The following NLGN4X variants were observed in gnomAD, a reference collection of about 807,000 sequenced individuals.
NLGN4X encodes the protein neuroligin 4 X-linked.
NLGN4X carries 3 observed loss-of-function variants against 40.3 expected under a neutral mutation model. That is an observed-to-expected ratio of 0.07 (90% CI 0.03 to 0.19). The LOEUF is 0.19. Among genes scored for constraint, NLGN4X ranks in the 10% least tolerant of loss-of-function variants. The pLI is 1.00. For missense variants in NLGN4X, 382 were observed against 708.3 expected (o/e 0.54, Z 5.23); for synonymous variants, 270 against 306.8 (o/e 0.88, Z 1.25).
At chrX:5,969,046 G>T (rs1480435274) in intron 3 of NLGN4X, among the ~76,000 whole-genome samples, 1 of 111,434 alleles carries the variant, frequency 9.0e-6, no homozygotes, top group African/African-American at 3.3e-5. Context: ...AGACTTAAAT[G>T]TTAGACCTAA....
chrX:6,082,977 T>TTTTTTTTG (rs1569227473), intron 2 of NLGN4X, among the ~76,000 whole-genome samples: 2 of 85,677 alleles, frequency 2.3e-5, no homozygotes, highest in African/African-American at 9.1e-5. Context: ...TTTTTTTTTT[T>TTTTTTTTG]GAGACGGAGT....
At chrX:6,156,581 A>G (rs1055369691) in intron 1 of NLGN4X, among the ~76,000 whole-genome samples, 8 of 112,461 alleles carry the variant, frequency 7.1e-5, no homozygotes, top group Non-Finnish European at 1.3e-4. Context: ...ATGCAGCTGG[A>G]AGCCATTATT....
intron 1 of NLGN4X, among the ~76,000 whole-genome samples, chrX:6,181,824 T>C (rs1275703755): frequency 1.8e-5 from 2 of 112,288 alleles, no homozygotes; most frequent in African/African-American, 3.2e-5. Context: ...GGAGTGGTGA[T>C]TACAATAACG....
chrX:6,200,319 C>T (rs1923475838), intron 1 of NLGN4X, among the ~76,000 whole-genome samples: 1 of 111,847 alleles, frequency 8.9e-6, no homozygotes, highest in Non-Finnish European at 1.9e-5. Flanking sequence ...GTGGAACCCA[C>T]TTTAAATGGG....
At chrX:5,933,336 G>T (rs2033620800) in intron 3 of NLGN4X, among the ~76,000 whole-genome samples, 1 of 111,175 alleles carries the variant, frequency 9.0e-6, no homozygotes, top group African/African-American at 3.3e-5. Flanking sequence ...ATGGATAATA[G>T]CCCAGAACTT....
intron 1 of NLGN4X, among the ~76,000 whole-genome samples, chrX:6,163,188 A>G (rs1469451724): frequency 8.9e-6 from 1 of 112,014 alleles, no homozygotes; most frequent in African/African-American, 3.2e-5. Flanking sequence ...CTTTTTCTTT[A>G]TAAATTACCC....
intron 1 of NLGN4X, among the ~76,000 whole-genome samples, chrX:6,214,932 G>A (rs918396475): frequency 9.0e-6 from 1 of 111,547 alleles, no homozygotes; most frequent in Non-Finnish European, 1.9e-5. Context: ...ACAGGGAATG[G>A]GAGCGGGGTT....
At chrX:5,957,687 T>C (rs780953857) in intron 3 of NLGN4X, among the ~76,000 whole-genome samples, 1 of 111,447 alleles carries the variant, frequency 9.0e-6, no homozygotes, top group East Asian at 2.8e-4. Flanking sequence ...CTGGTATGTA[T>C]TGCCTGGTGA....
At chrX:6,169,774 G>A (rs1015220158) in intron 1 of NLGN4X, among the ~76,000 whole-genome samples, 15 of 112,084 alleles carry the variant, frequency 1.3e-4, no homozygotes, top group Admixed American at 8.5e-4. Flanking sequence ...CCGTAGGATA[G>A]ACAAAGCATT....
chrX:5,986,016 G>A (rs985758627), intron 3 of NLGN4X, among the ~76,000 whole-genome samples: 2 of 111,587 alleles, frequency 1.8e-5, no homozygotes, highest in Admixed American at 1.9e-4. Flanking sequence ...AAAAATATAC[G>A]AAAAGATTTT....
At chrX:6,040,232 T>G (rs2037121670) in intron 2 of NLGN4X, among the ~76,000 whole-genome samples, 2 of 111,726 alleles carry the variant, frequency 1.8e-5, no homozygotes, top group East Asian at 5.6e-4. Flanking sequence ...AGCCACTGTG[T>G]CCAGCTCCGA....
chrX:6,119,567 G>A (rs1256457651), intron 2 of NLGN4X, among the ~76,000 whole-genome samples: 1 of 111,236 alleles, frequency 9.0e-6, no homozygotes, highest in South Asian at 3.8e-4. Flanking sequence ...CAACAGCCTG[G>A]GGGTTGGAGA....
chrX:6,143,439 T>C (rs990482852), intron 2 of NLGN4X, among the ~76,000 whole-genome samples: 21 of 111,953 alleles, frequency 1.9e-4, no homozygotes, highest in African/African-American at 5.8e-4. Context: ...TGTTTGTAAG[T>C]AGGAAAATAA....
chrX:6,151,357 G>A lies in NLGN4X; in HGVS notation c.110C>T (p.Thr37Ile), dbSNP rs368982518. ...LWLTALAIKFTLIDSQAQYPV... is the reference protein window; with the variant it reads ...LWLTALAIKFILIDSQAQYPV... ...ATACTGTGCTTGGCTGTCAATGAGGGTGAACTTGATGGCAAGAGCAGTTAA... is the reference window on the plus strand; with the variant it reads ...ATACTGTGCTTGGCTGTCAATGAGGATGAACTTGATGGCAAGAGCAGTTAA... The change falls in exon 2 of 6, where the codon ACC becomes ATC. Residue 37 changes from threonine to isoleucine, a missense_variant. Thr to Ile is a moderately conservative substitution (Grantham distance 89). Coordinates refer to ENST00000381095, the MANE Select transcript of NLGN4X (RefSeq NM_181332.3). 3.3e-6 allele frequency: 4 copies of A among 1,209,816 alleles called. No homozygotes were observed. Among genetic ancestry groups the A allele is most frequent in the Non-Finnish European group, 4.5e-6 (4 of 895,022 alleles).
At chrX:6,026,093 C>T (rs1458408754) in intron 3 of NLGN4X, among the ~76,000 whole-genome samples, 1 of 110,230 alleles carries the variant, frequency 9.1e-6, no homozygotes, top group Non-Finnish European at 1.9e-5. Context: ...TTTCTCAAGG[C>T]AGAGGTAGAG....
At position 6,217,068 on chromosome X, in the gene NLGN4X, C is replaced by T. The variant is rs188943920; in HGVS notation, c.-306+11473G>A. Among the ~76,000 whole-genome samples, 4 of 112,333 alleles carry T rather than the reference C, an allele frequency of 3.6e-5. No individual in the cohort carries two copies. In the East Asian group the frequency reaches 1.1e-3, roughly 32 times the overall value. ...AAATGCTGGAATTACAGGCATGAGC[C>T]ACTGTACCCAGCCACATTTGAACTT... On this transcript the variant is annotated intron_variant, in intron 1 of 5. Coordinates refer to ENST00000381095, the MANE Select transcript of NLGN4X (RefSeq NM_181332.3).
intron 2 of NLGN4X, among the ~76,000 whole-genome samples, chrX:6,085,430 G>C (rs961493699): frequency 8.9e-6 from 1 of 111,754 alleles, no homozygotes; most frequent in African/African-American, 3.3e-5. Flanking sequence ...TGAGGTGGTC[G>C]TGTAATGGAG....
At chrX:6,055,471 A>G (rs2037600171) in intron 2 of NLGN4X, among the ~76,000 whole-genome samples, 1 of 111,566 alleles carries the variant, frequency 9.0e-6, no homozygotes, top group Admixed American at 9.5e-5. Context: ...AAAGAGCAAG[A>G]CACTGAGAAC....
chrX:6,088,014 C>T (rs1205982826), intron 2 of NLGN4X, among the ~76,000 whole-genome samples: 2 of 111,779 alleles, frequency 1.8e-5, no homozygotes, highest in African/African-American at 3.3e-5. Context: ...CATCTACACA[C>T]GATTTTCTAC....
Sources: allele counts gnomAD v4.1 joint callset (sites outside exome capture counted in the v4.1 genomes callset), GRCh38; gene constraint gnomAD v4.1.1; transcripts MANE v1.5; gene names NCBI Gene and HGNC (gene_info 2026-07-23, HGNC 2026-07-21).